Variants in SELP observed in about 807,000 individuals in gnomAD.
SELP encodes the protein P-selectin.
In SELP, 92 loss-of-function variants were observed where a neutral mutation model predicts 104.1. That is an observed-to-expected ratio of 0.88 (90% CI 0.75 to 1.05). The LOEUF (loss-of-function observed/expected upper bound fraction) is 1.05, where lower values mean the gene tolerates loss of function less well. Ranked by LOEUF, SELP falls within the 50% of genes least tolerant of loss-of-function variation. SELP has a pLI of 0.00. For synonymous variants in SELP, 397 were observed against 364.5 expected, an observed-to-expected ratio of 1.09 and a Z score of -1.01; for missense variants, 1,022 against 1,017.3, an observed-to-expected ratio of 1.00 and a Z score of -0.06.
intron 15 of SELP, among the ~76,000 whole-genome samples, chr1:169,591,117 G>T (rs1436765796): frequency 1.3e-5 from 2 of 152,154 alleles, no homozygotes; most frequent in Non-Finnish European, 2.9e-5. Context: ...GTCCACCTGC[G>T]TGGGCGTTGC....
chr1:169,610,811 CA>C (rs1412465722), intron 7 of SELP, among the ~76,000 whole-genome samples: 1 of 150,250 alleles, frequency 6.7e-6, no homozygotes, highest in East Asian at 1.9e-4. Flanking sequence ...AACAAACAAA[CA>C]AACAAAAACA....
At chr1:169,624,082 G>T (rs1663260405) in intron 1 of SELP, among the ~76,000 whole-genome samples, 1 of 152,216 alleles carries the variant, frequency 6.6e-6, no homozygotes, top group Admixed American at 6.5e-5. Flanking sequence ...TCAAGATTCT[G>T]TGTTAACTGT....
chr1:169,606,562 C>T (rs1662208508), intron 9 of SELP, among the ~76,000 whole-genome samples: 2 of 152,178 alleles, frequency 1.3e-5, no homozygotes, highest in African/African-American at 4.8e-5. Flanking sequence ...CTAGAAGTGC[C>T]AGACCAGCCT....
intron 3 of SELP, 73 bp downstream of exon 3, chr1:169,616,955 T>TAGCCG: frequency 3.7e-6 from 5 of 1,349,984 alleles, no homozygotes; most frequent in South Asian, 2.1e-5. Flanking sequence ...GACTCGGTGG[T>TAGCCG]TATGTTGGCC....
In SELP at chr1:169,617,061, A is replaced by T. The variant is rs774983257; in HGVS notation, c.448T>A (p.Cys150Ser). 5.8e-5 allele frequency: 93 copies of T among 1,613,202 alleles called. No individual in the cohort carries two copies. The highest frequency in any genetic ancestry group is 7.4e-5 in the Non-Finnish European group (87 of 1,179,676). ...CACAATGCGTGCTTTTTCTTCAAGC[A>T]GTGCTCATCATTCCACTTGCCAGGG... ...SAPGKWNDEH[C>S]LKKKHALCYT... Residue 150 changes from cysteine (C) to serine (S), a missense_variant, in exon 3 of 17, where the codon TGC becomes AGC. By Grantham distance (112) the Cys-to-Ser change is moderately radical. Transcript: ENST00000263686.
chr1:169,613,773 T>A, intron 3 of SELP, 80 bp from the exon 4 acceptor site: 1 of 1,136,100 alleles, frequency 8.8e-7, no homozygotes, highest in Non-Finnish European at 1.3e-6. Flanking sequence ...GACCACAGAC[T>A]CATCCCCTCT....
In SELP at chr1:169,611,516, A is replaced by C. The variant is rs775057587; in HGVS notation, c.1123T>G (p.Ser375Ala). 2 of 1,613,902 alleles carry C rather than the reference A, an allele frequency of 1.2e-6. No homozygotes were observed. Among genetic ancestry groups the C allele is most frequent in the African/African-American group, 2.7e-5 (2 of 74,876 alleles). ...MLRCIDSGHW[S>A]APLPTCEAIS... ...CCCTCACAGGTTGGCAAGGGTGCAG[A>C]CCAGTGTCCAGAGTCAATGCAGCGG... Residue 375 changes from serine (S) to alanine (A), a missense_variant, in exon 7 of 17, where the codon TCT (serine) becomes GCT (alanine). Transcript: ENST00000263686.
At chr1:169,612,873 C>G (rs1286509611) in intron 5 of SELP, 56 bp downstream of exon 5, 4 of 1,423,740 alleles carry the variant, frequency 2.8e-6, no homozygotes, top group Non-Finnish European at 3.8e-6. Context: ...TCATTGTGTC[C>G]TCTTCTCCCC....
intron 12 of SELP, 72 bp from the exon 13 acceptor site, chr1:169,594,949 AACCT>A: frequency 7.2e-7 from 1 of 1,379,714 alleles, no homozygotes; most frequent in Non-Finnish European, 1.0e-6. Flanking sequence ...TTTCTTTTGT[AACCT>A]AACATTGCCA....
chr1:169,614,690 T>C (rs1002817742), intron 3 of SELP, among the ~76,000 whole-genome samples: 3 of 152,196 alleles, frequency 2.0e-5, no homozygotes, highest in African/African-American at 7.2e-5. Flanking sequence ...ATGATCTCTA[T>C]GTTTCCTCTC....
chr1:169,615,875 G>A (rs556664414), intron 3 of SELP, among the ~76,000 whole-genome samples: 3 of 152,104 alleles, frequency 2.0e-5, no homozygotes, highest in African/African-American at 7.2e-5. Flanking sequence ...CTGAGGGAGA[G>A]GTGTTTAAAA....
chr1:169,596,232 A>T, intron 11 of SELP, 98 bp from the exon 12 acceptor site: 9 of 1,044,678 alleles, frequency 8.6e-6, no homozygotes, highest in Non-Finnish European at 1.2e-5. Flanking sequence ...CACTCCCTTC[A>T]TAACAAGGGA....
chr1:169,597,124 A>G lies in SELP; in HGVS notation c.1758T>C (p.Ser586=). The G allele has an allele frequency of 6.2e-7, 1 of 1,612,334 alleles. No homozygotes were observed. Among genetic ancestry groups the G allele is most frequent in the Non-Finnish European group, 8.5e-7 (1 of 1,179,086 alleles). ...FAPEQGSLDC[S]DTRGEFNVGS... ...CAACATTGAATTCTCCACGAGTGTC[A>G]GAACAATCCAGGCTGCCCTGCTCTG... Residue 586 remains serine, a synonymous_variant, in exon 11 of 17, where the codon TCT becomes TCC. Coordinates refer to ENST00000263686, the MANE Select transcript of SELP (RefSeq NM_003005.4).
At position 169,591,475 on chromosome 1, in the gene SELP, C is replaced by T. The variant is rs1253164971; in HGVS notation, c.2408-19G>A. The stretch of plus-strand genomic sequence containing the variant: ...CCATCATCTAAAATCAGCAAGAAGA[C>T]AAGAATGAATGATTAAAAAAAAAAA... On this transcript the variant is annotated intron_variant, in intron 14 of 16. Coordinates refer to ENST00000263686, the MANE Select transcript of SELP (RefSeq NM_003005.4). 6.8e-7 allele frequency: 1 copy of T among 1,469,968 alleles called. No individual in the cohort carries two copies. Among genetic ancestry groups the T allele is most frequent in the South Asian group, 1.3e-5 (1 of 77,112 alleles). 91.1% of individuals were successfully genotyped at this position (1,469,968 alleles called of 1,614,324 possible).
At chr1:169,626,611 T>C (rs777730473) in intron 1 of SELP, among the ~76,000 whole-genome samples, 1 of 152,230 alleles carries the variant, frequency 6.6e-6, no homozygotes, top group Non-Finnish European at 1.5e-5. Context: ...AGACCATATC[T>C]TGTGGGTCAC....
chr1:169,626,733 T>A (rs1342527186), intron 1 of SELP, among the ~76,000 whole-genome samples: 1 of 152,152 alleles, frequency 6.6e-6, no homozygotes, highest in East Asian at 1.9e-4. Flanking sequence ...CTTGCTCTGT[T>A]GCCCAGGCTG....
At chr1:169,623,739 C>A (rs150278694) in intron 1 of SELP, among the ~76,000 whole-genome samples, 31 of 152,254 alleles carry the variant, frequency 2.0e-4, no homozygotes, top group Middle Eastern at 3.4e-3. Flanking sequence ...TATTTCAGAG[C>A]TATAGGAGAA....
chr1:169,599,185 C>T lies in SELP; in HGVS notation c.1706-2009G>A, dbSNP rs3917791. 6.0e-3 allele frequency among the ~76,000 whole-genome samples: 910 copies of T among 152,154 alleles called. 10 individuals are homozygous for T. Among genetic ancestry groups the T allele is most frequent in the African/African-American group, 0.021 (877 of 41,500 alleles). On this transcript the variant is annotated intron_variant, in intron 10 of 16. Transcript: ENST00000263686. ...GTTACATGGAAGCCTAACCCAGATCCGGCATATGGTGGGCACTCAGCAAAC... is the reference window on the plus strand; with the variant it reads ...GTTACATGGAAGCCTAACCCAGATCTGGCATATGGTGGGCACTCAGCAAAC...
At chr1:169,626,177 C>T (rs1273539108) in intron 1 of SELP, among the ~76,000 whole-genome samples, 1 of 152,068 alleles carries the variant, frequency 6.6e-6, no homozygotes, top group Non-Finnish European at 1.5e-5. Flanking sequence ...ATTAGTGTGG[C>T]CAGAATGGAA....
Sources: gnomAD v4.1 joint callset for allele counts (sites outside exome capture counted in the v4.1 genomes callset) on GRCh38, gnomAD v4.1.1 for gene constraint, MANE v1.5 for transcripts, NCBI Gene and HGNC (gene_info 2026-07-23, HGNC 2026-07-21) for gene names.